CELF2: variants seen among roughly 807,000 people sequenced by gnomAD.
CELF2 encodes the protein CUGBP Elav-like family member 2.
In CELF2, 8 loss-of-function variants were observed where a neutral mutation model predicts 62.6. The ratio of observed to expected loss-of-function variants is 0.13; its 90% confidence interval spans 0.07 to 0.23. The LOEUF is 0.23. Among genes scored for constraint, CELF2 ranks in the 10% least tolerant of loss-of-function variants. The probability of loss-of-function intolerance (pLI) is 1.00; values close to 1 mark genes in which losing one functional copy is unlikely to be tolerated. For missense variants in CELF2, 333 were observed against 671.0 expected, an observed-to-expected ratio of 0.50 and a Z score of 5.56; for synonymous variants, 258 against 250.0, an observed-to-expected ratio of 1.03 and a Z score of -0.30.
chr10:10,945,816 A>T (rs2047605057), intron 2 of CELF2, among the ~76,000 whole-genome samples: 1 of 152,204 alleles, frequency 6.6e-6, no homozygotes, highest in Non-Finnish European at 1.5e-5. Context: ...AGCCCCAGGA[A>T]AGGGGCTGTT....
At chr10:10,951,920 G>C (rs576808458) in intron 2 of CELF2, 4 of 152,542 alleles carry the variant, frequency 2.6e-5, no homozygotes, top group Admixed American at 2.6e-4. Flanking sequence ...CAAAACTCCA[G>C]GCACCTCCTA....
At chr10:10,736,823 T>C in the CELF2 span, among the ~76,000 whole-genome samples, 7 of 152,074 alleles carry the variant, frequency 4.6e-5, no homozygotes, top group African/African-American at 1.7e-4. Flanking sequence ...TTTAAGAAGG[T>C]TCATATAAAT....
chr10:10,679,588 C>A, the CELF2 span, among the ~76,000 whole-genome samples: 1 of 152,280 alleles, frequency 6.6e-6, no homozygotes, highest in African/African-American at 2.4e-5. Flanking sequence ...CCATGCCTGG[C>A]CCTATGTTTT....
Position 11,224,063 on chromosome 10 carries a change from G to A in CELF2, c.354+6556G>A, listed in dbSNP as rs113948278. 5.9e-5 allele frequency among the ~76,000 whole-genome samples: 9 copies of A among 152,260 alleles called. No individual in the cohort carries two copies. The South Asian group carries it at 8.3e-4, about 14-fold the overall frequency. On this transcript the variant is annotated intron_variant, in intron 3 of 12. Coordinates refer to ENST00000633077, the MANE Select transcript of CELF2 (RefSeq NM_001326342.2). The surrounding 1 kb of genome is among the most constrained non-coding windows in gnomAD (Gnocchi z 4.5). ...GTTATTTTTAAAGCATGGCCTACTC[G>A]GTATAAGGAATTGTACGAGAGAAAA...
chr10:10,541,216 C>A, the CELF2 span, among the ~76,000 whole-genome samples: 1 of 131,560 alleles, frequency 7.6e-6, no homozygotes, highest in Admixed American at 9.1e-5. Context: ...GCACTCCAGG[C>A]TGGGCGACAG....
At chr10:10,768,753 T>C in the CELF2 span, among the ~76,000 whole-genome samples, 1 of 152,004 alleles carries the variant, frequency 6.6e-6, no homozygotes, top group Non-Finnish European at 1.5e-5. Flanking sequence ...TTTGTATTTT[T>C]TGTAGATACA....
At chr10:10,659,748 G>A in the CELF2 span, among the ~76,000 whole-genome samples, 1 of 152,170 alleles carries the variant, frequency 6.6e-6, no homozygotes, top group Non-Finnish European at 1.5e-5. Context: ...CTCAGTGACA[G>A]GCAAGGCATT....
chr10:11,089,981 A>G (rs2047870694), intron 1 of CELF2, among the ~76,000 whole-genome samples: 1 of 152,200 alleles, frequency 6.6e-6, no homozygotes, highest in South Asian at 2.1e-4. Flanking sequence ...CTGGGTACTC[A>G]TGGACATGAA....
the CELF2 span, among the ~76,000 whole-genome samples, chr10:10,592,294 G>A: frequency 5.3e-5 from 8 of 152,168 alleles, no homozygotes; most frequent in Non-Finnish European, 7.3e-5. Context: ...TGAGTTTTAC[G>A]ATGGTGCTAG....
intron 5 of CELF2, among the ~76,000 whole-genome samples, chr10:11,261,406 C>G (rs7914377): frequency 0.024 from 3,015 of 126,640 alleles, 105 homozygotes; most frequent in African/African-American, 0.078. Context: ...TACTTTCAGT[C>G]GGAATCACTG....
chr10:11,320,289 T>C (rs1297695692), intron 10 of CELF2, among the ~76,000 whole-genome samples: 2 of 152,162 alleles, frequency 1.3e-5, no homozygotes, highest in Non-Finnish European at 2.9e-5. Context: ...TCGAGTCTAC[T>C]GGCCACCATC....
the CELF2 span, among the ~76,000 whole-genome samples, chr10:10,562,610 T>C: frequency 6.6e-6 from 1 of 152,256 alleles, no homozygotes; most frequent in African/African-American, 2.4e-5. Flanking sequence ...CGTGTCTCCC[T>C]TGGAAAACAG....
chr10:10,572,329 G>A, the CELF2 span, among the ~76,000 whole-genome samples: 3 of 142,852 alleles, frequency 2.1e-5, no homozygotes, highest in Non-Finnish European at 4.7e-5. Flanking sequence ...TGTTCGGTTG[G>A]TTTTTTCTTT....
rs1483859748 is a variant in CELF2, at chr10:11,319,705, G to A, written c.1097-1484G>A. On this transcript the variant is annotated intron_variant, in intron 10 of 12. Coordinates refer to ENST00000633077, the MANE Select transcript of CELF2 (RefSeq NM_001326342.2). This position sits in a 1 kb window ranked among gnomAD's most constrained non-coding sequence, Gnocchi z 4.4. Reference sequence around the variant, plus strand: ...CACACTCGTCTCGCCACCCCTGCTTGGTGTCTGTTCTGAGAAGCACAGGAA... The same window carrying A: ...CACACTCGTCTCGCCACCCCTGCTTAGTGTCTGTTCTGAGAAGCACAGGAA... 2.2e-6 allele frequency: 1 copy of A among 457,272 alleles called. No individual in the cohort carries two copies. Among genetic ancestry groups the A allele is most frequent in the African/African-American group, 2.0e-5 (1 of 49,828 alleles). The allele number at this position is 457,272 out of a possible 1,614,324, so 28.3% of individuals were successfully genotyped here. A position where few individuals can be genotyped will look rare whatever the true frequency, so the allele number is the denominator to read the frequency against.
At chr10:10,585,453 G>A in the CELF2 span, among the ~76,000 whole-genome samples, 1 of 152,126 alleles carries the variant, frequency 6.6e-6, no homozygotes, top group Admixed American at 6.5e-5. Context: ...ATGGATAGGA[G>A]AACCAGCTAA....
At position 11,217,497 on chromosome 10, in the gene CELF2, C is replaced by T; in HGVS notation, c.344C>T (p.Thr115Ile). The change falls in exon 3 of 13, where the codon ACT (threonine) becomes ATT (isoleucine). Residue 115 changes from threonine (T) to isoleucine (I), a missense_variant. Around this residue, in one of 3 missense-constraint regions of CELF2, gnomAD observed 253 missense variants for 503.0 expected, o/e 0.50. Coordinates refer to ENST00000633077, the MANE Select transcript of CELF2 (RefSeq NM_001326342.2). The surrounding 1 kb of genome is among the most constrained non-coding windows in gnomAD (Gnocchi z 5.6). ...EAQNALHNIK[T>I]LPGMHHPIQM... ...CAGAATGCACTGCACAATATTAAAA[C>T]TTTACCTGGGGTGAGTCGGTTTACT... 2 of 1,609,250 alleles carry T rather than the reference C, an allele frequency of 1.2e-6. No individual in the cohort carries two copies. Among genetic ancestry groups the T allele is most frequent in the Non-Finnish European group, 1.7e-6 (2 of 1,176,430 alleles).
Position 11,132,118 on chromosome 10 carries a change from C to T in CELF2, c.75-33368C>T, listed in dbSNP as rs1025811662. Among the ~76,000 whole-genome samples, 34 of 152,234 alleles carry T rather than the reference C, an allele frequency of 2.2e-4. 1 individual carries two copies. Among genetic ancestry groups the T allele is most frequent in the African/African-American group, 8.2e-4 (34 of 41,456 alleles). On this transcript the variant is annotated intron_variant, in intron 1 of 12. Transcript: ENST00000633077. ...TCCTCAAGTTATCCACTGGCATCACCCAGGTCCCTTACTTCCTTCCCTTAT... is the reference window on the plus strand; with the variant it reads ...TCCTCAAGTTATCCACTGGCATCACTCAGGTCCCTTACTTCCTTCCCTTAT...
intron 1 of CELF2, among the ~76,000 whole-genome samples, chr10:11,009,010 G>A (rs115317531): frequency 7.9e-6 from 1 of 126,238 alleles, no homozygotes; most frequent in African/African-American, 4.1e-5. Context: ...ATTTGCGGGG[G>A]GGGGGGGGGA....
chr10:10,511,842 C>T, the CELF2 span, among the ~76,000 whole-genome samples: 2 of 152,204 alleles, frequency 1.3e-5, no homozygotes, highest in Admixed American at 1.3e-4. Flanking sequence ...TCAAGGCCTG[C>T]TACTCTTGTT....
Sources: allele counts gnomAD v4.1 joint callset (sites outside exome capture counted in the v4.1 genomes callset), GRCh38; gene constraint gnomAD v4.1.1; regional missense constraint gnomAD v4.1.1; non-coding constraint Gnocchi (gnomAD v3.1); transcripts MANE v1.5; gene names NCBI Gene and HGNC (gene_info 2026-07-23, HGNC 2026-07-21).